The following PRKDC variants were observed in gnomAD, a reference collection of about 807,000 sequenced individuals.
PRKDC encodes protein kinase, DNA-activated, catalytic subunit.
Under a neutral mutation model 486.9 loss-of-function variants are expected in PRKDC, and 82 were observed. That is an observed-to-expected ratio of 0.17 (90% confidence interval 0.14 to 0.20). The LOEUF is 0.20. Ranked by LOEUF, PRKDC falls within the 10% of genes least tolerant of loss-of-function variation. PRKDC has a pLI of 1.00. For synonymous variants in PRKDC, 1,895 were observed against 1,837.0 expected, an observed-to-expected ratio of 1.03 and a Z score of -0.81; for missense variants, 4,504 against 5,038.2, an observed-to-expected ratio of 0.89 and a Z score of 3.21.
At chr8:47,861,885 G>T (rs879414813) in intron 44 of PRKDC, among the ~76,000 whole-genome samples, 177 bp downstream of exon 44, 2 of 152,206 alleles carry the variant, frequency 1.3e-5, no homozygotes, top group Non-Finnish European at 2.9e-5. Flanking sequence ...GACAAATTTT[G>T]TAGTTGCCTG....
intron 85 of PRKDC, among the ~76,000 whole-genome samples, chr8:47,775,534 G>A (rs111901431): frequency 0.015 from 2,217 of 151,284 alleles, 62 homozygotes; most frequent in African/African-American, 0.049. Flanking sequence ...ACTGCGCCCA[G>A]CCCTGACCAT....
chr8:47,951,384 G>A (rs1277019641), intron 7 of PRKDC, among the ~76,000 whole-genome samples: 1 of 151,366 alleles, frequency 6.6e-6, no homozygotes, highest in Non-Finnish European at 1.5e-5. Context: ...AAAAGAAAAA[G>A]GGAGACAGAA....
chr8:47,940,969 A>C (rs1033081839), intron 10 of PRKDC, among the ~76,000 whole-genome samples: 2 of 152,198 alleles, frequency 1.3e-5, no homozygotes, highest in African/African-American at 4.8e-5. Flanking sequence ...GTCTCTAACA[A>C]AAATACAAAA....
At chr8:47,850,257 G>A (rs186544040) in intron 52 of PRKDC, among the ~76,000 whole-genome samples, 3 of 152,304 alleles carry the variant, frequency 2.0e-5, no homozygotes, top group East Asian at 1.9e-4. Flanking sequence ...GGTAGGCAAC[G>A]TTTCAAAGGC....
chr8:47,791,880 T>C (rs1344670050), intron 74 of PRKDC, among the ~76,000 whole-genome samples: 4 of 152,192 alleles, frequency 2.6e-5, no homozygotes, highest in Non-Finnish European at 5.9e-5. Context: ...GATATCAGTA[T>C]GATATCTGCA....
chr8:47,822,430 C>G (rs542319292), intron 64 of PRKDC, among the ~76,000 whole-genome samples: 28 of 152,154 alleles, frequency 1.8e-4, no homozygotes, highest in Admixed American at 5.2e-4. Context: ...TTATTTACCA[C>G]GTAACAAGTT....
At chr8:47,859,214 A>G (rs978182079) in intron 46 of PRKDC, among the ~76,000 whole-genome samples, 4 of 152,200 alleles carry the variant, frequency 2.6e-5, no homozygotes, top group Non-Finnish European at 4.4e-5. Context: ...CTGCCCAGTC[A>G]TTCCACAGGG....
In PRKDC at chr8:47,882,604, A is replaced by G. The variant is rs548152587; in HGVS notation, c.4777-507T>C. ...CACACTAGCACACACAGGTGTACAC[A>G]CACAAGCAAACATGCACACACGCAA... On this transcript the variant is annotated intron_variant, in intron 36 of 85. Coordinates refer to ENST00000314191, the MANE Select transcript of PRKDC (RefSeq NM_006904.7). 5.3e-5 allele frequency among the ~76,000 whole-genome samples: 8 copies of G among 152,252 alleles called. No homozygotes were observed. In the South Asian group the frequency reaches 1.7e-3, roughly 32 times the overall value.
chr8:47,919,276 T>C (rs1389375493), intron 21 of PRKDC, among the ~76,000 whole-genome samples: 1 of 152,214 alleles, frequency 6.6e-6, no homozygotes, highest in Non-Finnish European at 1.5e-5. Context: ...TTACCTTGCA[T>C]TTCATAATTT....
chr8:47,857,069 T>G, intron 49 of PRKDC, 87 bp downstream of exon 49: 6 of 1,375,858 alleles, frequency 4.4e-6, no homozygotes, highest in Non-Finnish European at 5.8e-6. Flanking sequence ...GCACAGTCAG[T>G]GAGAGGGACC....
intron 67 of PRKDC, among the ~76,000 whole-genome samples, chr8:47,818,669 C>A (rs189664795): frequency 6.7e-6 from 1 of 148,918 alleles, no homozygotes; most frequent in African/African-American, 2.5e-5. Flanking sequence ...ATAAATGATA[C>A]GTCATTAATA....
chr8:47,959,938 G>A (rs1015473247), intron 1 of PRKDC, 35 bp downstream of exon 1: 1 of 1,530,386 alleles, frequency 6.5e-7, no homozygotes, highest in Non-Finnish European at 8.7e-7. Flanking sequence ...GGGAAGCCAG[G>A]ACCCACCCGC....
chr8:47,855,286 G>C lies in PRKDC; in HGVS notation c.6697C>G (p.His2233Asp). Residue 2233 changes from histidine to aspartate, a missense_variant, in exon 50 of 86, where the codon CAC (histidine) becomes GAC (aspartate). Physicochemically the swap from His to Asp is moderately conservative, Grantham distance 81 (BLOSUM62 -1). Transcript: ENST00000314191. ...VFHPKRAVFRHNLEIIKTLVE... is the reference protein window; with the variant it reads ...VFHPKRAVFRDNLEIIKTLVE... ...AGGGTCTTTATAATTTCAAGGTTGT[G>C]TCTAAACACAGCTCTTTTTGGATGA... 6.2e-7 allele frequency: 1 copy of C among 1,603,300 alleles called. No homozygotes were observed. The highest frequency in any genetic ancestry group is 8.5e-7 in the Non-Finnish European group (1 of 1,174,182).
At position 47,959,858 on chromosome 8, in the gene PRKDC, A is replaced by C. The variant is rs999101960; in HGVS notation, c.154+115T>G. On this transcript the variant is annotated intron_variant, in intron 1 of 85. Transcript: ENST00000314191. ...ACACAGAAATTCCCCCAAGAATCTA[A>C]TTGCTGTACTTCAAAATACCGTCAT... 37 of 1,448,406 alleles carry C rather than the reference A, an allele frequency of 2.6e-5. No individual in the cohort carries two copies. The Admixed American group carries it at 6.6e-4, about 26-fold the overall frequency. The allele number at this position is 1,448,406 out of a possible 1,614,324, so 89.7% of individuals were successfully genotyped here. A position where few individuals can be genotyped will look rare whatever the true frequency, so the allele number is the denominator to read the frequency against.
At position 47,877,740 on chromosome 8, in the gene PRKDC, T is replaced by C. The variant is rs772758380; in HGVS notation, c.5347A>G (p.Arg1783Gly). The C allele has an allele frequency of 6.3e-7, 1 of 1,589,886 alleles. No individual in the cohort carries two copies. The highest frequency in any genetic ancestry group is 1.2e-5 in the South Asian group (1 of 86,508). Residue 1783 changes from arginine (R) to glycine (G), a missense_variant, in exon 40 of 86, where the codon AGG becomes GGG. Coordinates refer to ENST00000314191, the MANE Select transcript of PRKDC (RefSeq NM_006904.7). ...VMEELFQSSF[R>G]RIARRGSCVT... Reference sequence around the variant, plus strand: ...ATGACTTACCTTCTGGCAATCCTCCTGAAACTGGATTGAAATAATTCTTCC... The same window carrying C: ...ATGACTTACCTTCTGGCAATCCTCCCGAAACTGGATTGAAATAATTCTTCC...
chr8:47,815,347 C>T (rs893514794), intron 68 of PRKDC, among the ~76,000 whole-genome samples: 7 of 152,132 alleles, frequency 4.6e-5, no homozygotes, highest in African/African-American at 1.7e-4. Context: ...GACTTTTGAA[C>T]AAATGCGGCT....
Position 47,855,337 on chromosome 8 carries a change from G to A in PRKDC, c.6646C>T (p.Leu2216Phe). ...PKDEVLANRL[L>F]NFLMKHVFHP... The stretch of plus-strand genomic sequence containing the variant: ...AAGACATGTTTCATTAGGAAATTAA[G>A]CAATCGATTTGCTAACACTTCATCT... The change falls in exon 50 of 86, where the codon CTT becomes TTT. Residue 2216 changes from leucine to phenylalanine, a missense_variant. Coordinates refer to ENST00000314191, the MANE Select transcript of PRKDC (RefSeq NM_006904.7). The A allele has an allele frequency of 6.3e-7, 1 of 1,599,510 alleles. No homozygotes were observed. Among genetic ancestry groups the A allele is most frequent in the Non-Finnish European group, 8.5e-7 (1 of 1,172,018 alleles).
chr8:47,834,252 T>G lies in PRKDC; in HGVS notation c.8096A>C (p.Asp2699Ala), dbSNP rs2087954590. 9.9e-6 allele frequency: 16 copies of G among 1,614,002 alleles called. No individual in the cohort carries two copies. Among genetic ancestry groups the G allele is most frequent in the Non-Finnish European group, 1.4e-5 (16 of 1,179,880 alleles). The change falls in exon 59 of 86, where the codon GAT (aspartate) becomes GCT (alanine). Residue 2699 changes from aspartate to alanine, a missense_variant. Asp to Ala is a moderately radical substitution (Grantham distance 126). Transcript: ENST00000314191. ...QRAPLKSVGP[D>A]FGKKRLGLPG... ...AAGGCCCAGCCTTTTTTTCCCAAAA[T>G]CAGGCCCCACTGACTTCAAGGGTGC...
At chr8:47,829,390 A>G (rs2087812361) in intron 61 of PRKDC, among the ~76,000 whole-genome samples, 1 of 152,362 alleles carries the variant, frequency 6.6e-6, no homozygotes, top group South Asian at 2.1e-4. Flanking sequence ...ATTAAAAGCA[A>G]TGGTTTACAC....
Sources: allele counts gnomAD v4.1 joint callset (sites outside exome capture counted in the v4.1 genomes callset), GRCh38; gene constraint gnomAD v4.1.1; transcripts MANE v1.5; gene names NCBI Gene and HGNC (gene_info 2026-07-23, HGNC 2026-07-21).